The following CADPS2 variants were observed in gnomAD, a reference collection of about 807,000 sequenced individuals.
The protein encoded by CADPS2 is calcium dependent secretion activator 2.
Under a neutral mutation model 172.5 loss-of-function variants are expected in CADPS2, and 93 were observed. The ratio of observed to expected loss-of-function variants is 0.54; its 90% CI spans 0.46 to 0.64. The LOEUF is 0.64. CADPS2 is among the 30% of genes least tolerant of loss of function. CADPS2 has a pLI of 0.00. For synonymous variants in CADPS2, 546 were observed against 555.2 expected, an observed-to-expected ratio of 0.98 and a Z score of 0.23; for missense variants, 1,420 against 1,565.9, an observed-to-expected ratio of 0.91 and a Z score of 1.57.
chr7:122,592,069 A>C (rs998781196), intron 6 of CADPS2, among the ~76,000 whole-genome samples: 24 of 152,144 alleles, frequency 1.6e-4, no homozygotes, highest in Non-Finnish European at 2.2e-4. Context: ...AATGGGAGAA[A>C]ATTTTTGCAA....
chr7:122,376,438 T>G (rs760935762), intron 25 of CADPS2, among the ~76,000 whole-genome samples: 1 of 152,142 alleles, frequency 6.6e-6, no homozygotes, highest in East Asian at 1.9e-4. Flanking sequence ...CAGATGAACC[T>G]GGAATATATT....
chr7:122,488,033 A>T (rs2057992803), intron 11 of CADPS2, among the ~76,000 whole-genome samples: 1 of 152,224 alleles, frequency 6.6e-6, no homozygotes, highest in South Asian at 2.1e-4. Flanking sequence ...AACACAGGAA[A>T]TTCACATTAA....
intron 7 of CADPS2, among the ~76,000 whole-genome samples, chr7:122,559,785 A>G (rs1395367265): frequency 6.6e-6 from 1 of 151,418 alleles, no homozygotes; most frequent in Non-Finnish European, 1.5e-5. Flanking sequence ...AAAAAAAAAA[A>G]AAAAAAAGGA....
chr7:122,501,837 T>G (rs996914229), intron 9 of CADPS2, among the ~76,000 whole-genome samples: 7 of 126,490 alleles, frequency 5.5e-5, no homozygotes, highest in Admixed American at 5.3e-4. Flanking sequence ...ATCGCACCAC[T>G]GCACTCCAGC....
chr7:122,530,869 T>C (rs532810612), intron 8 of CADPS2, among the ~76,000 whole-genome samples: 8 of 152,264 alleles, frequency 5.3e-5, no homozygotes, highest in African/African-American at 1.9e-4. Context: ...AACAACAGGA[T>C]CAAGACCATT....
chr7:122,505,910 C>G (rs1157408987), intron 9 of CADPS2, among the ~76,000 whole-genome samples: 1 of 152,184 alleles, frequency 6.6e-6, no homozygotes, highest in Admixed American at 6.5e-5. Flanking sequence ...AAGGCCAGAC[C>G]TAGAACAAAC....
At chr7:122,393,020 C>T (rs1240253018) in intron 22 of CADPS2, among the ~76,000 whole-genome samples, 176 bp downstream of exon 22, 1 of 151,656 alleles carries the variant, frequency 6.6e-6, no homozygotes, top group East Asian at 1.9e-4. Flanking sequence ...TGACATTATT[C>T]ATCACAGATA....
At chr7:122,574,303 C>G (rs1221547385) in intron 7 of CADPS2, among the ~76,000 whole-genome samples, 2 of 151,372 alleles carry the variant, frequency 1.3e-5, no homozygotes, top group African/African-American at 2.4e-5. Context: ...AAAATTTGCC[C>G]AGCACGGTGG....
chr7:122,732,153 C>G (rs1268812280), intron 2 of CADPS2, among the ~76,000 whole-genome samples: 4 of 151,530 alleles, frequency 2.6e-5, no homozygotes, highest in Non-Finnish European at 5.9e-5. Flanking sequence ...CCAAAAAGAT[C>G]TAATCCTGGA....
At chr7:122,645,681 A>ATCTATCTC (rs1554688696) in intron 3 of CADPS2, among the ~76,000 whole-genome samples, 2 of 116,824 alleles carry the variant, frequency 1.7e-5, no homozygotes, top group African/African-American at 6.4e-5. Flanking sequence ...ATATATATAT[A>ATCTATCTC]TCTTGGGATT....
At chr7:122,421,088 TGAAGCTTATACCAG>T (rs1369318981) in intron 17 of CADPS2, 1 of 152,232 alleles carries the variant, frequency 6.6e-6, no homozygotes, top group African/African-American at 2.4e-5. Flanking sequence ...ATGCTCATGG[TGAAGCTTATACCAG>T]GATGTGGGAA....
intron 25 of CADPS2, among the ~76,000 whole-genome samples, chr7:122,363,144 G>A (rs184205970): frequency 4.3e-4 from 66 of 152,306 alleles, no homozygotes; most frequent in African/African-American, 1.5e-3. Flanking sequence ...ACTTGATGTA[G>A]TTTGCAAGGA....
At chr7:122,688,618 C>T (rs2083927293) in intron 2 of CADPS2, among the ~76,000 whole-genome samples, 1 of 152,224 alleles carries the variant, frequency 6.6e-6, no homozygotes, top group South Asian at 2.1e-4. Flanking sequence ...CTGGCTCTCC[C>T]TTGCCTTCAG....
At chr7:122,415,648 G>A (rs2047813132) in intron 18 of CADPS2, among the ~76,000 whole-genome samples, 1 of 150,410 alleles carries the variant, frequency 6.6e-6, no homozygotes, top group South Asian at 2.1e-4. Context: ...TTACCCCTTG[G>A]TTTGGGAAAT....
chr7:122,391,805 G>A (rs2044393371), intron 22 of CADPS2, among the ~76,000 whole-genome samples: 1 of 152,046 alleles, frequency 6.6e-6, no homozygotes. Context: ...TGCAGTTGGT[G>A]GTGGGATAGG....
At chr7:122,781,274 A>C (rs1792649809) in intron 1 of CADPS2, among the ~76,000 whole-genome samples, 1 of 152,140 alleles carries the variant, frequency 6.6e-6, no homozygotes, top group African/African-American at 2.4e-5. Flanking sequence ...TTTTCCATGC[A>C]ATTGCTATAA....
intron 8 of CADPS2, among the ~76,000 whole-genome samples, chr7:122,528,030 G>A (rs1213690282): frequency 6.6e-6 from 1 of 151,554 alleles, no homozygotes; most frequent in Non-Finnish European, 1.5e-5. Context: ...TATAATAGAT[G>A]GGGTCATTAC....
intron 6 of CADPS2, among the ~76,000 whole-genome samples, chr7:122,604,247 T>G (rs1468688598): frequency 6.6e-6 from 1 of 152,166 alleles, no homozygotes; most frequent in Admixed American, 6.6e-5. Flanking sequence ...TCCTAACTTA[T>G]GTATATCACC....
intron 6 of CADPS2, among the ~76,000 whole-genome samples, chr7:122,612,260 A>C (rs1465861577): frequency 6.6e-6 from 1 of 152,062 alleles, no homozygotes; most frequent in Admixed American, 6.6e-5. Flanking sequence ...TTAAACTATC[A>C]GTATTTGCAG....
Sources: gnomAD v4.1 joint callset for allele counts (sites outside exome capture counted in the v4.1 genomes callset) on GRCh38, gnomAD v4.1.1 for gene constraint, MANE v1.5 for transcripts, NCBI Gene and HGNC (gene_info 2026-07-23, HGNC 2026-07-21) for gene names.